RASGRP3: variants seen among roughly 807,000 people sequenced by gnomAD.
RASGRP3 encodes RAS guanyl releasing protein 3.
In RASGRP3, 54 loss-of-function variants were observed where a neutral mutation model predicts 82.7. The observed-to-expected ratio is 0.65, with a 90% CI of 0.52 to 0.82. RASGRP3 has a LOEUF of 0.82. Ranked by LOEUF, RASGRP3 falls within the 40% of genes least tolerant of loss-of-function variation. The pLI is 0.00. For synonymous variants in RASGRP3, 309 were observed against 300.5 expected (o/e 1.03, Z -0.29); for missense variants, 861 against 828.9 (o/e 1.04, Z -0.48).
chr2:33,499,862 G>A (rs12468338), intron 1 of RASGRP3, among the ~76,000 whole-genome samples: 9,098 of 152,108 alleles, frequency 0.06, 320 homozygotes, highest in Middle Eastern at 0.12. Flanking sequence ...GCAGAGAAAA[G>A]TAGTCATATA....
chr2:33,562,663 T>C (rs1676809353), intron 17 of RASGRP3, 66 bp from the exon 18 acceptor site: 3 of 1,569,560 alleles, frequency 1.9e-6, no homozygotes, highest in Non-Finnish European at 2.6e-6. Flanking sequence ...AAAACTGCTT[T>C]CTAGGAACAC....
chr2:33,544,835 A>AT (rs72215082), intron 13 of RASGRP3, among the ~76,000 whole-genome samples: 4 of 151,524 alleles, frequency 2.6e-5, no homozygotes, highest in East Asian at 1.9e-4. Flanking sequence ...GTCTCTAACT[A>AT]TTTTTTTTTA....
Position 33,468,885 on chromosome 2 carries a change from C to T in RASGRP3, c.-261+20942C>T, listed in dbSNP as rs536969153. The stretch of plus-strand genomic sequence containing the variant: ...GGATATATTTCTAGAACAGGAACTG[C>T]TGAGTTAAAGGGTATTCACATTTTA... On this transcript the variant is annotated intron_variant, in intron 2 of 18. Transcript: ENST00000402538. Among the ~76,000 whole-genome samples the T allele has an allele frequency of 9.2e-5, 14 of 152,254 alleles. No homozygotes were observed. The South Asian group carries it at 2.3e-3, about 25-fold the overall frequency.
At chr2:33,515,391 C>T (rs1263781040) in intron 3 of RASGRP3, among the ~76,000 whole-genome samples, 185 bp downstream of exon 3, 1 of 152,134 alleles carries the variant, frequency 6.6e-6, no homozygotes, top group Non-Finnish European at 1.5e-5. Context: ...CTTTACTGCC[C>T]ACAGCTCATA....
Position 33,442,555 on chromosome 2 carries a change from T to C in RASGRP3, c.-384-5265T>C, listed in dbSNP as rs369662103. 2.0e-5 allele frequency among the ~76,000 whole-genome samples: 3 copies of C among 152,278 alleles called. No homozygotes were observed. The East Asian group carries it at 5.8e-4, about 29-fold the overall frequency. On this transcript the variant is annotated intron_variant, in intron 1 of 18. Coordinates refer to the RASGRP3 transcript ENST00000402538. Reference sequence around the variant, plus strand: ...TATGTTCATGCTAATTCATTGCCATTGACGGCCTCTCCTCCAAGTAAAGGG... The same window carrying C: ...TATGTTCATGCTAATTCATTGCCATCGACGGCCTCTCCTCCAAGTAAAGGG...
At chr2:33,522,985 T>G (rs1029186060) in intron 7 of RASGRP3, among the ~76,000 whole-genome samples, 1 of 152,236 alleles carries the variant, frequency 6.6e-6, no homozygotes, top group African/African-American at 2.4e-5. Flanking sequence ...ATGCTAACAT[T>G]CTGAAAATGT....
At chr2:33,443,709 TAA>T (rs1161262477) in intron 1 of RASGRP3, among the ~76,000 whole-genome samples, 1,090 of 98,158 alleles carry the variant, frequency 0.011, 14 homozygotes, top group African/African-American at 0.04. Flanking sequence ...ATCCTGTCTC[TAA>T]AAAAAAAAAA....
chr2:33,447,092 C>A (rs1312412570), intron 1 of RASGRP3, among the ~76,000 whole-genome samples: 2 of 137,252 alleles, frequency 1.5e-5, no homozygotes, highest in African/African-American at 2.9e-5. Context: ...GGTGACAGAG[C>A]GAGACTCCGT....
intron 10 of RASGRP3, among the ~76,000 whole-genome samples, chr2:33,531,528 A>G (rs1019553886): frequency 6.6e-6 from 1 of 152,170 alleles, no homozygotes; most frequent in Non-Finnish European, 1.5e-5. Flanking sequence ...CAAACCCTGC[A>G]TTTGTGACCT....
intron 1 of RASGRP3, among the ~76,000 whole-genome samples, chr2:33,510,068 A>C (rs1558462982): frequency 6.6e-6 from 1 of 152,218 alleles, no homozygotes; most frequent in Non-Finnish European, 1.5e-5. Flanking sequence ...GTAACAATTA[A>C]CACTTGTATT....
chr2:33,514,007 T>G (rs971743546), intron 2 of RASGRP3: 3 of 152,194 alleles, frequency 2.0e-5, no homozygotes, highest in African/African-American at 4.8e-5. Flanking sequence ...CCTTAATAAT[T>G]GCATGGTTTT....
intron 12 of RASGRP3, among the ~76,000 whole-genome samples, chr2:33,543,100 A>G (rs1301044260): frequency 2.0e-5 from 3 of 152,000 alleles, no homozygotes; most frequent in Non-Finnish European, 4.4e-5. Context: ...TGTAACCTCA[A>G]ACTCCTGGGC....
chr2:33,552,022 CAAACAGAG>C (rs1558520647), intron 14 of RASGRP3, among the ~76,000 whole-genome samples: 1 of 111,440 alleles, frequency 9.0e-6, no homozygotes, highest in East Asian at 2.0e-4. Flanking sequence ...AACAAACAAA[CAAACAGAG>C]AAACAAACTC....
At chr2:33,546,401 C>T (rs1378419429) in intron 13 of RASGRP3, among the ~76,000 whole-genome samples, 7 of 143,102 alleles carry the variant, frequency 4.9e-5, no homozygotes, top group South Asian at 4.4e-4. Flanking sequence ...CCAGCCTGGA[C>T]GACAGAGCAA....
chr2:33,521,376 C>T (rs567667322), intron 6 of RASGRP3, among the ~76,000 whole-genome samples: 1 of 152,276 alleles, frequency 6.6e-6, no homozygotes, highest in African/African-American at 2.4e-5. Context: ...TTGTGTGTTA[C>T]GTATTCATAG....
At chr2:33,446,439 G>A (rs2150878421) in intron 1 of RASGRP3, among the ~76,000 whole-genome samples, 1 of 151,762 alleles carries the variant, frequency 6.6e-6, no homozygotes, top group South Asian at 2.1e-4. Flanking sequence ...TTACAGGCGT[G>A]AGCCACCCAC....
chr2:33,507,364 C>T (rs1670480573), intron 1 of RASGRP3, among the ~76,000 whole-genome samples: 1 of 152,126 alleles, frequency 6.6e-6, no homozygotes, highest in East Asian at 1.9e-4. Context: ...CACTGCACTC[C>T]AGCCTGGGTG....
intron 10 of RASGRP3, chr2:33,532,000 T>C (rs929177444): frequency 2.0e-5 from 3 of 149,992 alleles, no homozygotes; most frequent in Non-Finnish European, 4.4e-5. Context: ...TTTCTCTCTT[T>C]ATTTATGTAA....
chr2:33,550,713 C>T (rs1172216887), intron 14 of RASGRP3, among the ~76,000 whole-genome samples: 2 of 152,184 alleles, frequency 1.3e-5, no homozygotes, highest in African/African-American at 4.8e-5. Flanking sequence ...CTCCTGTTGA[C>T]TCGTTGACCC....
Sources: allele counts gnomAD v4.1 joint callset (sites outside exome capture counted in the v4.1 genomes callset), GRCh38; gene constraint gnomAD v4.1.1; transcripts MANE v1.5; gene names NCBI Gene and HGNC (gene_info 2026-07-23, HGNC 2026-07-21).